TRNT1: variants seen among roughly 807,000 people sequenced by gnomAD.
TRNT1 encodes the protein CCA tRNA nucleotidyltransferase 1, mitochondrial.
Under a neutral mutation model 45.6 loss-of-function variants are expected in TRNT1, and 44 were observed. That is an observed-to-expected ratio of 0.97 (90% CI 0.76 to 1.24). TRNT1 has a LOEUF of 1.24. TRNT1 is among the 50% of genes most tolerant of loss of function. The pLI is 0.00. For synonymous variants in TRNT1, 201 were observed against 171.4 expected (o/e 1.17, Z -1.35); for missense variants, 633 against 504.4 (o/e 1.25, Z -2.44).
Position 3,148,214 on chromosome 3 carries a change from C to T in TRNT1, c.*60C>T, listed in dbSNP as rs534795311. On this transcript the variant is annotated 3_prime_UTR_variant, in exon 8 of 8. Coordinates refer to ENST00000251607, the MANE Select transcript of TRNT1 (RefSeq NM_182916.3). Reference sequence around the variant, plus strand: ...TAAGACTAAATTTTCTCCCCTCCCTCTTAATGAGGTTTTAGAGACTACACC... The same window carrying T: ...TAAGACTAAATTTTCTCCCCTCCCTTTTAATGAGGTTTTAGAGACTACACC... 96 of 1,571,946 alleles carry T rather than the reference C, an allele frequency of 6.1e-5. 2 individuals carry two copies. In the South Asian group the frequency reaches 9.5e-4, roughly 16 times the overall value.
At position 3,146,426 on chromosome 3, in the gene TRNT1, G is replaced by T; in HGVS notation, c.609-4G>T. On this transcript the variant is annotated splice_region_variant and splice_polypyrimidine_tract_variant and intron_variant, in intron 5 of 7. Transcript: ENST00000251607. ...TAATACCCTGTGAAGATTTTGTCTT[G>T]TAGGTTTTATGGGAGAATTGTAGAC... 2 of 1,604,088 alleles carry T rather than the reference G, an allele frequency of 1.2e-6. No individual in the cohort carries two copies. The highest frequency in any genetic ancestry group is 1.1e-5 in the South Asian group (1 of 89,274).
chr3:3,136,156 A>G (rs550749948), intron 2 of TRNT1, among the ~76,000 whole-genome samples: 1 of 152,214 alleles, frequency 6.6e-6, no homozygotes, highest in South Asian at 2.1e-4. Flanking sequence ...TGTTTCGTGT[A>G]TGTTTAGGTG....
At chr3:3,146,222 T>G (rs1296679930) in intron 5 of TRNT1, among the ~76,000 whole-genome samples, 2 of 152,032 alleles carry the variant, frequency 1.3e-5, no homozygotes, top group Non-Finnish European at 2.9e-5. Context: ...ACTTATATTT[T>G]ATTCGATCCT....
At chr3:3,135,714 T>C (rs1705288998) in intron 2 of TRNT1, among the ~76,000 whole-genome samples, 1 of 152,046 alleles carries the variant, frequency 6.6e-6, no homozygotes, top group South Asian at 2.1e-4. Context: ...GGATAGAGGA[T>C]TCTGTTTTGA....
At chr3:3,150,636 C>G, downstream of TRNT1, 1 of 462,844 alleles carries the variant, frequency 2.2e-6, no homozygotes, top group Non-Finnish European at 4.0e-6. Flanking sequence ...CCAAGCTACC[C>G]AAGTAGATGT....
downstream of TRNT1, chr3:3,149,189 A>C (rs1457229610): frequency 6.6e-6 from 1 of 152,138 alleles, no homozygotes; most frequent in Non-Finnish European, 1.5e-5. Context: ...AGGAAATGTC[A>C]CAGGGGCTAT....
In TRNT1 at chr3:3,147,664, T is replaced by G; in HGVS notation, c.1017T>G (p.Ser339Arg). The G allele has an allele frequency of 6.2e-7, 1 of 1,613,558 alleles. No individual in the cohort carries two copies. Among genetic ancestry groups the G allele is most frequent in the Non-Finnish European group, 8.5e-7 (1 of 1,179,672 alleles). ...AAGATTTAATTAAAGCAACAGATAG[T>G]TCAGACCCATTGAAACCCTATCAAG... is the stretch of plus-strand genomic sequence containing the variant. ...NRKDLIKATDSSDPLKPYQDF... is the reference protein window; with the variant it reads ...NRKDLIKATDRSDPLKPYQDF... The change falls in exon 7 of 8, where the codon AGT becomes AGG. Residue 339 changes from serine to arginine, a missense_variant. Transcript: ENST00000251607.
At chr3:3,151,158 C>G, downstream of TRNT1, 1 of 1,143,772 alleles carries the variant, frequency 8.7e-7, no homozygotes, top group Non-Finnish European at 1.3e-6. Flanking sequence ...ATTAGAGATT[C>G]TAAGTTGAGA....
In TRNT1 at chr3:3,129,047, A is replaced by C; in HGVS notation, c.7A>C (p.Arg3=). 1 of 1,608,242 alleles carries C rather than the reference A, an allele frequency of 6.2e-7. No individual in the cohort carries two copies. The part of the protein sequence containing the change: ML[R]CLYHWHRPVL... The stretch of plus-strand genomic sequence containing the variant: ...TTGGTGACTGCCTCTCCAGATGCTG[A>C]GGTGCCTGTATCATTGGCACAGGCC... The change falls in exon 2 of 8, where the codon AGG becomes CGG. Residue 3 remains arginine (R), a synonymous_variant. Transcript: ENST00000251607.
chr3:3,146,638 TA>T lies in TRNT1; in HGVS notation c.802+18del. 6.5e-7 allele frequency: 1 copy of T among 1,532,172 alleles called. No homozygotes were observed. Among genetic ancestry groups the T allele is most frequent in the Non-Finnish European group, 8.8e-7 (1 of 1,139,546 alleles). The allele number at this position is 1,532,172 out of a possible 1,614,324, so 94.9% of individuals were successfully genotyped here. On this transcript the variant is annotated intron_variant, in intron 6 of 7. Coordinates refer to ENST00000251607, the MANE Select transcript of TRNT1 (RefSeq NM_182916.3). ...TCCTTATATAGGTGAGAGCAAGTTA[TA>T]AAGTGTTTGAATTTTTGGCAGTGAA...
At chr3:3,129,556 T>C (rs1704867854) in intron 2 of TRNT1, 1 of 428,626 alleles carries the variant, frequency 2.3e-6, no homozygotes, top group Admixed American at 3.8e-5. Flanking sequence ...CACTCTAGCC[T>C]GGGCAACAGA....
chr3:3,140,439 TATTTTTTTC>T (rs1047933466), intron 3 of TRNT1, 62 bp from the exon 4 acceptor site: 12 of 1,523,114 alleles, frequency 7.9e-6, no homozygotes, highest in Non-Finnish European at 1.1e-5. Context: ...GACAAAAACT[TATTTTTTTC>T]AATTCAGTAG....
chr3:3,136,644 CTTTCTTTTTT>C (rs796099113), intron 2 of TRNT1: 12 of 424,502 alleles, frequency 2.8e-5, no homozygotes, highest in African/African-American at 1.1e-4. Flanking sequence ...GTTTGATTTA[CTTTCTTTTTT>C]TTTCTTTTTT....
At chr3:3,136,777 C>T (rs1188176693) in intron 2 of TRNT1, 1 of 371,378 alleles carries the variant, frequency 2.7e-6, no homozygotes, top group Admixed American at 3.7e-5. Context: ...ACCTCAGCCT[C>T]CCAAGTAGCT....
chr3:3,151,283 T>C (rs1407340338), downstream of TRNT1, among the ~76,000 whole-genome samples: 3 of 152,218 alleles, frequency 2.0e-5, no homozygotes, highest in Non-Finnish European at 4.4e-5. Context: ...TTCTACTGCA[T>C]AGAAATAAAG....
rs1302035129 is a variant in TRNT1, at chr3:3,140,603, A to G, written c.436A>G (p.Lys146Glu). Residue 146 changes from lysine (K) to glutamate (E), a missense_variant, in exon 4 of 8, where the codon AAA (lysine) becomes GAA (glutamate). Lys to Glu is a moderately conservative substitution (Grantham distance 56). Coordinates refer to ENST00000251607, the MANE Select transcript of TRNT1 (RefSeq NM_182916.3). ...GGTAGAATTTACAACTGACTGGCAGAAAGATGCGGAACGCAGAGATCTCAC... is the reference window on the plus strand; with the variant it reads ...GGTAGAATTTACAACTGACTGGCAGGAAGATGCGGAACGCAGAGATCTCAC... ...AEVEFTTDWQ[K>E]DAERRDLTIN... 12 of 1,614,066 alleles carry G rather than the reference A, an allele frequency of 7.4e-6. No individual in the cohort carries two copies. Among genetic ancestry groups the G allele is most frequent in the Middle Eastern group, 1.6e-4 (1 of 6,084 alleles).
chr3:3,147,668 G>T lies in TRNT1; in HGVS notation c.1021G>T (p.Asp341Tyr). 6.2e-7 allele frequency: 1 copy of T among 1,613,412 alleles called. No homozygotes were observed. The highest frequency in any genetic ancestry group is 1.1e-5 in the South Asian group (1 of 91,032). ...TTTAATTAAAGCAACAGATAGTTCA[G>T]ACCCATTGAAACCCTATCAAGACTT... The part of the protein sequence containing the change: ...KDLIKATDSS[D>Y]PLKPYQDFII... The change falls in exon 7 of 8, where the codon GAC (aspartate) becomes TAC (tyrosine). Residue 341 changes from aspartate (D) to tyrosine (Y), a missense_variant. By Grantham distance (160) the Asp-to-Tyr change is radical (BLOSUM62 -3). Coordinates refer to ENST00000251607, the MANE Select transcript of TRNT1 (RefSeq NM_182916.3).
At chr3:3,137,621 T>C (rs1305279251) in intron 3 of TRNT1, among the ~76,000 whole-genome samples, 168 bp downstream of exon 3, 1 of 152,250 alleles carries the variant, frequency 6.6e-6, no homozygotes, top group Non-Finnish European at 1.5e-5. Flanking sequence ...GTTTACTTTT[T>C]ATGTTACCTC....
downstream of TRNT1, among the ~76,000 whole-genome samples, chr3:3,151,964 T>G (rs1044252564): frequency 1.3e-5 from 2 of 152,176 alleles, no homozygotes; most frequent in African/African-American, 4.8e-5. Context: ...TTCTACTGGG[T>G]CATAAGACAG....
Sources: gnomAD v4.1 joint callset for allele counts (sites outside exome capture counted in the v4.1 genomes callset) on GRCh38, gnomAD v4.1.1 for gene constraint, MANE v1.5 for transcripts, NCBI Gene and HGNC (gene_info 2026-07-23, HGNC 2026-07-21) for gene names.